The following GPC6 variants were observed in gnomAD, a reference collection of about 807,000 sequenced individuals.
GPC6 encodes glypican 6.
GPC6 carries 14 observed loss-of-function variants against 55.2 expected under a neutral mutation model. That is an observed-to-expected ratio of 0.25 (90% confidence interval 0.17 to 0.40). GPC6 has a LOEUF of 0.40. Ranked by LOEUF, GPC6 falls within the 10% of genes least tolerant of loss-of-function variation. The pLI, the probability that GPC6 is intolerant of heterozygous loss-of-function variation, is 1.00. For synonymous variants in GPC6, 278 were observed against 259.6 expected, an observed-to-expected ratio of 1.07 and a Z score of -0.68; for missense variants, 641 against 708.5, an observed-to-expected ratio of 0.90 and a Z score of 1.08.
At chr13:94,042,216 C>T (rs771002592) in intron 4 of GPC6, among the ~76,000 whole-genome samples, 1 of 151,736 alleles carries the variant, frequency 6.6e-6, no homozygotes, top group Non-Finnish European at 1.5e-5. Flanking sequence ...TTTCCCTTTG[C>T]CTTCCACCAT....
chr13:93,562,705 T>A (rs1875875673), intron 2 of GPC6, among the ~76,000 whole-genome samples: 2 of 152,188 alleles, frequency 1.3e-5, no homozygotes, highest in Non-Finnish European at 2.9e-5. Context: ...GCCCAATAAA[T>A]ATGAAAATTC....
intron 1 of GPC6, among the ~76,000 whole-genome samples, chr13:93,334,909 T>C (rs754032767): frequency 1.8e-4 from 28 of 152,360 alleles, no homozygotes; most frequent in Admixed American, 5.9e-4. Context: ...TTTATGAGTC[T>C]TATAATATTT....
chr13:93,323,746 A>C (rs762337654), intron 1 of GPC6, among the ~76,000 whole-genome samples: 2 of 152,210 alleles, frequency 1.3e-5, no homozygotes, highest in Non-Finnish European at 2.9e-5. Flanking sequence ...AATTGTTAAT[A>C]GTAGCTGTGA....
chr13:93,755,108 TCAAC>T (rs1884725291), intron 2 of GPC6, among the ~76,000 whole-genome samples: 3 of 152,226 alleles, frequency 2.0e-5, no homozygotes, highest in Non-Finnish European at 2.9e-5. Context: ...ATTGTGTCAA[TCAAC>T]AGTTTCTAAA....
At chr13:93,405,172 C>A (rs987616810) in intron 1 of GPC6, among the ~76,000 whole-genome samples, 6 of 152,112 alleles carry the variant, frequency 3.9e-5, no homozygotes, top group African/African-American at 1.4e-4. Context: ...TCCTGTGCCA[C>A]CCCCTCCTTC....
Position 94,403,670 on chromosome 13 carries a change from A to T in GPC6, c.*453A>T, listed in dbSNP as rs145504639. On this transcript the variant is annotated 3_prime_UTR_variant, in exon 9 of 9. Transcript: ENST00000377047. ...CAGAGAAAAATAAATGAACTTTAAC[A>T]CTGTAAGTTCAGCATTGACAGCCAA... is the stretch of plus-strand genomic sequence containing the variant. 24 of 225,336 alleles carry T rather than the reference A, an allele frequency of 1.1e-4. No homozygotes were observed. Among genetic ancestry groups the T allele is most frequent in the African/African-American group, 5.5e-4 (24 of 43,386 alleles). 14.0% of individuals were successfully genotyped at this position (225,336 alleles called of 1,614,324 possible). A position where few individuals can be genotyped will look rare whatever the true frequency, so the allele number is the denominator to read the frequency against.
chr13:93,542,639 A>G (rs1882364182), intron 1 of GPC6, among the ~76,000 whole-genome samples: 1 of 152,146 alleles, frequency 6.6e-6, no homozygotes, highest in Non-Finnish European at 1.5e-5. Flanking sequence ...CGTGATATTG[A>G]TTCTTCCTAC....
intron 6 of GPC6, among the ~76,000 whole-genome samples, chr13:94,312,080 A>C (rs1876276948): frequency 6.6e-6 from 1 of 152,182 alleles, no homozygotes; most frequent in Non-Finnish European, 1.5e-5. Context: ...CCTTGAACAT[A>C]CTGGAATGAA....
intron 6 of GPC6, among the ~76,000 whole-genome samples, chr13:94,327,228 G>A (rs1594172436): frequency 6.6e-6 from 1 of 152,210 alleles, no homozygotes; most frequent in Non-Finnish European, 1.5e-5. Flanking sequence ...TTTACTAGTT[G>A]TGTGTTTGTA....
chr13:93,632,357 C>T (rs1057306511), intron 2 of GPC6, among the ~76,000 whole-genome samples: 1 of 152,028 alleles, frequency 6.6e-6, no homozygotes, highest in African/African-American at 2.4e-5. Context: ...CCACTTTAAT[C>T]CCAGCACTTT....
chr13:94,041,334 T>G (rs1414382384), intron 4 of GPC6, among the ~76,000 whole-genome samples: 1 of 151,876 alleles, frequency 6.6e-6, no homozygotes, highest in Non-Finnish European at 1.5e-5. Flanking sequence ...TCCTTCTTGA[T>G]AAATCTGTAT....
intron 2 of GPC6, among the ~76,000 whole-genome samples, chr13:93,584,001 T>C (rs1265313938): frequency 1.3e-5 from 2 of 152,196 alleles, no homozygotes; most frequent in East Asian, 3.9e-4. Context: ...CTTAGCTACA[T>C]GGCCGCATAA....
chr13:93,916,517 C>A (rs1440323329), intron 3 of GPC6, among the ~76,000 whole-genome samples: 2 of 152,120 alleles, frequency 1.3e-5, no homozygotes, highest in African/African-American at 4.8e-5. Flanking sequence ...CATTTTAACC[C>A]CTTATTTCTC....
chr13:94,165,181 T>C (rs1566488488), intron 4 of GPC6, among the ~76,000 whole-genome samples: 1 of 149,196 alleles, frequency 6.7e-6, no homozygotes, highest in Non-Finnish European at 1.5e-5. Flanking sequence ...ATAAAGAAAT[T>C]GTGATATATG....
At chr13:93,939,201 A>G (rs1158533346) in intron 3 of GPC6, among the ~76,000 whole-genome samples, 2 of 151,582 alleles carry the variant, frequency 1.3e-5, no homozygotes, top group Non-Finnish European at 2.9e-5. Flanking sequence ...TAGATTCTAT[A>G]TGTATTGGAC....
chr13:93,471,368 A>G (rs898851997), intron 1 of GPC6, among the ~76,000 whole-genome samples: 91 of 151,314 alleles, frequency 6.0e-4, no homozygotes, highest in African/African-American at 1.9e-3. Flanking sequence ...CAAAAAAAAA[A>G]AAAAAAAAAA....
chr13:93,357,901 T>C (rs896776907), intron 1 of GPC6, among the ~76,000 whole-genome samples: 1 of 152,204 alleles, frequency 6.6e-6, no homozygotes, highest in Non-Finnish European at 1.5e-5. Flanking sequence ...GTTGGTGTTA[T>C]CTGAGAATAG....
At chr13:94,321,752 G>A (rs1206859806) in intron 6 of GPC6, among the ~76,000 whole-genome samples, 42 of 152,074 alleles carry the variant, frequency 2.8e-4, no homozygotes, top group Admixed American at 2.5e-3. Context: ...GTCCACAAAG[G>A]CAATAGCCCA....
At chr13:94,313,985 A>G (rs1305121773) in intron 6 of GPC6, among the ~76,000 whole-genome samples, 1 of 152,212 alleles carries the variant, frequency 6.6e-6, no homozygotes, top group African/African-American at 2.4e-5. Flanking sequence ...TTCGGTAGAT[A>G]TCAATCTATC....
Sources: gnomAD v4.1 joint callset for allele counts (sites outside exome capture counted in the v4.1 genomes callset) on GRCh38, gnomAD v4.1.1 for gene constraint, MANE v1.5 for transcripts, NCBI Gene and HGNC (gene_info 2026-07-23, HGNC 2026-07-21) for gene names.